The following MOV10L1 variants were observed in gnomAD, a reference collection of about 807,000 sequenced individuals.
The protein encoded by MOV10L1 is RNA helicase Mov10l1.
MOV10L1 carries 110 observed loss-of-function variants against 143.8 expected under a neutral mutation model. The observed-to-expected ratio is 0.76, with a 90% CI of 0.66 to 0.90. The LOEUF is 0.90. Ranked by LOEUF, MOV10L1 falls within the 40% of genes least tolerant of loss-of-function variation. MOV10L1 has a pLI of 0.00. For synonymous variants in MOV10L1, 593 were observed against 581.1 expected (o/e 1.02, Z -0.29); for missense variants, 1,406 against 1,526.8 (o/e 0.92, Z 1.32).
chr22:50,153,549 G>A (rs1037385780), intron 22 of MOV10L1, among the ~76,000 whole-genome samples: 9 of 152,288 alleles, frequency 5.9e-5, no homozygotes, highest in Admixed American at 2.0e-4. Flanking sequence ...GGCTGGGGAC[G>A]CCCCAGGGCC....
At position 50,158,273 on chromosome 22, in the gene MOV10L1, C is replaced by A; in HGVS notation, c.3216+67C>A. ...CAGCCCTGCTCCTTGGCTCCTGCAGCTCCACAGAGGCAGGAACAAGCTCCT... is the reference window on the plus strand; with the variant it reads ...CAGCCCTGCTCCTTGGCTCCTGCAGATCCACAGAGGCAGGAACAAGCTCCT... On this transcript the variant is annotated intron_variant, in intron 23 of 26. Transcript: ENST00000262794. This position sits in a 1 kb window ranked among gnomAD's most constrained non-coding sequence, Gnocchi z 5.0. 1 of 1,588,138 alleles carries A rather than the reference C, an allele frequency of 6.3e-7. No individual in the cohort carries two copies.
At chr22:50,098,670 A>G (rs555122674) in intron 2 of MOV10L1, among the ~76,000 whole-genome samples, 1 of 152,194 alleles carries the variant, frequency 6.6e-6, no homozygotes, top group African/African-American at 2.4e-5. Context: ...TTTTCCACAG[A>G]TGAGATCCTA....
intron 3 of MOV10L1, among the ~76,000 whole-genome samples, chr22:50,107,834 G>A (rs1025523258): frequency 6.6e-6 from 1 of 152,182 alleles, no homozygotes; most frequent in Admixed American, 6.5e-5. Context: ...GACGGGGGAA[G>A]GGGGATGCCA....
intron 8 of MOV10L1, among the ~76,000 whole-genome samples, chr22:50,115,966 C>T (rs1054257411): frequency 6.6e-6 from 1 of 152,202 alleles, no homozygotes; most frequent in South Asian, 2.1e-4. Flanking sequence ...CTTCGCTCTC[C>T]CTGGTGTGGT....
chr22:50,141,281 C>G (rs1301366683), intron 15 of MOV10L1, among the ~76,000 whole-genome samples: 1 of 151,958 alleles, frequency 6.6e-6, no homozygotes, highest in East Asian at 1.9e-4. Flanking sequence ...TGTGATCTGC[C>G]CGCCTCAGCC....
intron 9 of MOV10L1, among the ~76,000 whole-genome samples, chr22:50,118,023 A>G (rs2062230916): frequency 1.3e-5 from 2 of 152,070 alleles, no homozygotes; most frequent in Admixed American, 1.3e-4. Flanking sequence ...GATGGGTTTG[A>G]GCTCTGCTAC....
At chr22:50,120,911 CCT>C (rs1433021826) in intron 10 of MOV10L1, among the ~76,000 whole-genome samples, 1 of 152,202 alleles carries the variant, frequency 6.6e-6, no homozygotes, top group African/African-American at 2.4e-5. Flanking sequence ...ATCAGCCTGG[CCT>C]CTCTCGCTAG....
chr22:50,132,932 A>T (rs1420030102), intron 13 of MOV10L1, among the ~76,000 whole-genome samples: 6 of 152,020 alleles, frequency 3.9e-5, no homozygotes, highest in African/African-American at 1.4e-4. Flanking sequence ...GCTACTTGGG[A>T]GGCTGAGGCA....
intron 15 of MOV10L1, among the ~76,000 whole-genome samples, chr22:50,141,404 A>G (rs2062982631): frequency 6.7e-6 from 1 of 149,336 alleles, no homozygotes; most frequent in Non-Finnish European, 1.5e-5. Context: ...ATCTCCACTC[A>G]CTGCAGCCCC....
In MOV10L1 at chr22:50,150,822, G is replaced by A. The variant is rs2063278872; in HGVS notation, c.2815G>A (p.Glu939Lys). 1 of 1,614,218 alleles carries A rather than the reference G, an allele frequency of 6.2e-7. No individual in the cohort carries two copies. The change falls in exon 21 of 27, where the codon GAA (glutamate) becomes AAA (lysine). Residue 939 changes from glutamate to lysine, a missense_variant. By Grantham distance (56) the Glu-to-Lys change is moderately conservative. Around this residue, in one of 3 missense-constraint regions of MOV10L1, gnomAD observed 1,233 missense variants for 1,351.4 expected, o/e 0.91. Coordinates refer to ENST00000262794, the MANE Select transcript of MOV10L1 (RefSeq NM_018995.3). ...MAYGLNVSFL[E>K]RLMSRPAYQR... ...CTATGGGCTGAACGTGTCCTTTTTG[G>A]AACGGCTGATGTCTCGACCCGCGTA...
intron 22 of MOV10L1, 119 bp downstream of exon 22, chr22:50,153,337 C>T: frequency 8.1e-7 from 1 of 1,236,250 alleles, no homozygotes. Context: ...TTCTGCTGGT[C>T]TCCAGAGAGT....
chr22:50,156,757 C>T (rs753146285), intron 22 of MOV10L1, among the ~76,000 whole-genome samples: 3 of 152,128 alleles, frequency 2.0e-5, no homozygotes, highest in Admixed American at 2.0e-4. Context: ...CCATACTTGG[C>T]GTATCAGTTC....
intron 9 of MOV10L1, 40 bp from the exon 10 acceptor site, chr22:50,120,462 A>T: frequency 1.5e-6 from 2 of 1,319,190 alleles, no homozygotes; most frequent in Non-Finnish European, 2.2e-6. Context: ...ATACCTGGTG[A>T]TAAAGACTTA....
rs1413948893 is a variant in MOV10L1, at chr22:50,158,854, A to G, written c.3216+648A>G. On this transcript the variant is annotated intron_variant, in intron 23 of 26. Transcript: ENST00000262794. The surrounding 1 kb of genome is among the most constrained non-coding windows in gnomAD (Gnocchi z 5.0). The stretch of plus-strand genomic sequence containing the variant: ...TGTACCGCGCGTGTGCTGACCGCAG[A>G]GCCCGTCAAAGATGTTATGTTTCCT... 6.6e-6 allele frequency: 1 copy of G among 152,314 alleles called. No homozygotes were observed. The highest frequency in any genetic ancestry group is 2.4e-5 in the African/African-American group (1 of 41,450). 9.4% of individuals were successfully genotyped at this position (152,314 alleles called of 1,614,324 possible).
chr22:50,113,815 A>G (rs1199387039), intron 6 of MOV10L1, 27 bp downstream of exon 6: 15 of 1,551,978 alleles, frequency 9.7e-6, no homozygotes, highest in Middle Eastern at 1.7e-4. Context: ...AACATTTTCT[A>G]TAAAGCTACA....
At chr22:50,116,557 T>G (rs2062183769) in intron 8 of MOV10L1, among the ~76,000 whole-genome samples, 1 of 152,068 alleles carries the variant, frequency 6.6e-6, no homozygotes, top group Non-Finnish European at 1.5e-5. Context: ...TAGTACCTAT[T>G]TTTGGTCATG....
At chr22:50,121,615 C>T (rs1368661400) in intron 10 of MOV10L1, among the ~76,000 whole-genome samples, 2 of 152,214 alleles carry the variant, frequency 1.3e-5, no homozygotes, top group East Asian at 1.9e-4. Flanking sequence ...CCATGAGTCG[C>T]GAGCGCAGTC....
Position 50,159,583 on chromosome 22 carries a change from C to G in MOV10L1, c.3217-95C>G. On this transcript the variant is annotated intron_variant, in intron 23 of 26. Coordinates refer to ENST00000262794, the MANE Select transcript of MOV10L1 (RefSeq NM_018995.3). This position sits in a 1 kb window ranked among gnomAD's most constrained non-coding sequence, Gnocchi z 4.1. ...CGCCACTGCACTGCAGCCTGGGTGA[C>G]AGAGTAATACTCCATCTCAAAAAAA... The G allele has an allele frequency of 1.3e-6, 1 of 743,690 alleles. No individual in the cohort carries two copies. 46.1% of individuals were successfully genotyped at this position (743,690 alleles called of 1,614,324 possible). A position where few individuals can be genotyped will look rare whatever the true frequency, so the allele number is the denominator to read the frequency against.
chr22:50,145,431 A>G (rs2063126305), intron 18 of MOV10L1, among the ~76,000 whole-genome samples: 1 of 152,194 alleles, frequency 6.6e-6, no homozygotes, highest in African/African-American at 2.4e-5. Context: ...CCCTCTCTAA[A>G]TAAACAAACA....
Sources: allele counts gnomAD v4.1 joint callset (sites outside exome capture counted in the v4.1 genomes callset), GRCh38; gene constraint gnomAD v4.1.1; regional missense constraint gnomAD v4.1.1; non-coding constraint Gnocchi (gnomAD v3.1); transcripts MANE v1.5; gene names NCBI Gene and HGNC (gene_info 2026-07-23, HGNC 2026-07-21).